The following FILIP1L variants were observed in gnomAD, a reference collection of about 807,000 sequenced individuals.
FILIP1L encodes the protein filamin A-interacting protein 1-like.
Under a neutral mutation model 96.6 loss-of-function variants are expected in FILIP1L, and 55 were observed. The ratio of observed to expected loss-of-function variants is 0.57; its 90% CI spans 0.46 to 0.71. The LOEUF (loss-of-function observed/expected upper bound fraction) is 0.71, where lower values mean the gene tolerates loss of function less well. Among genes scored for constraint, FILIP1L ranks in the 30% least tolerant of loss-of-function variants. The pLI is 0.00. For missense variants in FILIP1L, 1,304 were observed against 1,321.2 expected (o/e 0.99, Z 0.20); for synonymous variants, 467 against 473.9 (o/e 0.99, Z 0.19).
At chr3:100,038,675 C>A (rs1435900490) in intron 1 of FILIP1L, among the ~76,000 whole-genome samples, 2 of 152,094 alleles carry the variant, frequency 1.3e-5, no homozygotes, top group African/African-American at 4.8e-5. Flanking sequence ...TTGTTTCTTT[C>A]TTTTTAAAGG....
intron 1 of FILIP1L, among the ~76,000 whole-genome samples, chr3:99,979,253 AT>A (rs948156863): frequency 7.2e-5 from 11 of 152,094 alleles, no homozygotes; most frequent in Non-Finnish European, 1.5e-4. Flanking sequence ...AAACCACAAT[AT>A]TTTTTTGAAT....
intron 1 of FILIP1L, among the ~76,000 whole-genome samples, chr3:100,026,352 G>A (rs180703202): frequency 3.0e-4 from 45 of 152,098 alleles, no homozygotes; most frequent in South Asian, 1.2e-3. Context: ...AGACAGGCAC[G>A]GACAGCTATT....
chr3:99,923,062 C>G (rs1202042985), intron 4 of FILIP1L, among the ~76,000 whole-genome samples: 1 of 151,880 alleles, frequency 6.6e-6, no homozygotes, highest in African/African-American at 2.4e-5. Context: ...TCATTGCCTT[C>G]TTTGTCTTCT....
chr3:99,891,005 T>A (rs1432441505), intron 4 of FILIP1L, among the ~76,000 whole-genome samples: 1 of 152,166 alleles, frequency 6.6e-6, no homozygotes, highest in Non-Finnish European at 1.5e-5. Flanking sequence ...AAAATCTTTT[T>A]AAACTGAATT....
chr3:100,055,267 C>A (rs1302785357), intron 1 of FILIP1L, among the ~76,000 whole-genome samples: 1 of 152,234 alleles, frequency 6.6e-6, no homozygotes, highest in African/African-American at 2.4e-5. Flanking sequence ...AACAATGTCT[C>A]TCTTGCTTTC....
intron 5 of FILIP1L, among the ~76,000 whole-genome samples, chr3:99,839,336 T>C (rs1410358242): frequency 6.6e-6 from 1 of 152,202 alleles, no homozygotes; most frequent in African/African-American, 2.4e-5. Context: ...TGAGCAATAT[T>C]GCATGCTTCA....
At chr3:99,848,250 T>G in intron 5 of FILIP1L, 45 bp downstream of exon 5, 1 of 1,603,322 alleles carries the variant, frequency 6.2e-7, no homozygotes, top group Non-Finnish European at 8.5e-7. Context: ...AATATCAGTA[T>G]GGACTGGATG....
chr3:99,965,320 G>T (rs1186579635), intron 1 of FILIP1L, among the ~76,000 whole-genome samples: 1 of 152,184 alleles, frequency 6.6e-6, no homozygotes, highest in Non-Finnish European at 1.5e-5. Context: ...AAGAATGAAA[G>T]GTTGGCCTGT....
chr3:99,955,481 C>T (rs921117348), intron 1 of FILIP1L, among the ~76,000 whole-genome samples: 6 of 152,046 alleles, frequency 3.9e-5, no homozygotes, highest in Admixed American at 1.3e-4. Flanking sequence ...ATTATTAAAC[C>T]GGAATTTAGT....
chr3:99,830,667 G>C (rs954095583), intron 5 of FILIP1L, 62 bp from the exon 6 acceptor site: 1 of 445,538 alleles, frequency 2.2e-6, no homozygotes, highest in African/African-American at 2.0e-5. Context: ...AGTAGAAATT[G>C]TTTAGGACAT....
chr3:99,881,219 T>G (rs1458870207), intron 4 of FILIP1L, among the ~76,000 whole-genome samples: 1 of 152,158 alleles, frequency 6.6e-6, no homozygotes, highest in African/African-American at 2.4e-5. Flanking sequence ...AATGAAGAAT[T>G]GGTAATGTGA....
intron 4 of FILIP1L, among the ~76,000 whole-genome samples, chr3:99,863,045 C>T (rs769454355): frequency 6.6e-6 from 1 of 152,172 alleles, no homozygotes; most frequent in Non-Finnish European, 1.5e-5. Context: ...ACTTGGTCTA[C>T]TTAGGCAGCG....
chr3:99,902,827 T>A (rs1414853658), intron 4 of FILIP1L, among the ~76,000 whole-genome samples: 1 of 152,208 alleles, frequency 6.6e-6, no homozygotes, highest in African/African-American at 2.4e-5. Flanking sequence ...ATGGGGTAAC[T>A]TCCATGTGAA....
intron 5 of FILIP1L, among the ~76,000 whole-genome samples, chr3:99,845,935 C>T (rs1290313575): frequency 6.6e-6 from 1 of 152,118 alleles, no homozygotes; most frequent in Non-Finnish European, 1.5e-5. Flanking sequence ...ACTTAGGAAG[C>T]CTCTATATAG....
chr3:100,062,595 A>G (rs1003601569), intron 1 of FILIP1L, among the ~76,000 whole-genome samples: 6 of 152,206 alleles, frequency 3.9e-5, no homozygotes, highest in African/African-American at 1.4e-4. Context: ...TGGCATATGC[A>G]TGGGCAATTA....
intron 1 of FILIP1L, among the ~76,000 whole-genome samples, chr3:99,949,643 G>T (rs1278358686): frequency 6.6e-6 from 1 of 152,198 alleles, no homozygotes; most frequent in Non-Finnish European, 1.5e-5. Context: ...ACAAAGAAGT[G>T]CATGGTGCTT....
At chr3:99,938,666 G>A (rs1017996861) in intron 1 of FILIP1L, among the ~76,000 whole-genome samples, 4 of 152,188 alleles carry the variant, frequency 2.6e-5, no homozygotes, top group Non-Finnish European at 5.9e-5. Flanking sequence ...TCTCAGCAGA[G>A]CTGGTTGGCC....
chr3:99,944,917 C>T (rs977583813), intron 1 of FILIP1L, among the ~76,000 whole-genome samples: 4 of 152,156 alleles, frequency 2.6e-5, no homozygotes, highest in South Asian at 2.1e-4. Flanking sequence ...GTCAAATCTG[C>T]GATGAAGGCA....
intron 3 of FILIP1L, among the ~76,000 whole-genome samples, chr3:99,928,741 G>A (rs1186379423): frequency 6.6e-6 from 1 of 152,170 alleles, no homozygotes; most frequent in Non-Finnish European, 1.5e-5. Flanking sequence ...GCTCACAGGG[G>A]TTGGGGAATT....
Sources: allele counts gnomAD v4.1 joint callset (sites outside exome capture counted in the v4.1 genomes callset), GRCh38; gene constraint gnomAD v4.1.1; transcripts MANE v1.5; gene names NCBI Gene and HGNC (gene_info 2026-07-23, HGNC 2026-07-21).